FHAD1: variants seen among roughly 807,000 people sequenced by gnomAD.
FHAD1 encodes forkhead associated phosphopeptide binding domain 1, also known as forkhead-associated domain-containing protein 1.
FHAD1 carries 146 observed loss-of-function variants against 191.3 expected under a neutral mutation model. The observed-to-expected ratio is 0.76, with a 90% CI of 0.67 to 0.88. FHAD1 has a LOEUF of 0.88. Ranked by LOEUF, FHAD1 falls within the 40% of genes least tolerant of loss-of-function variation. The probability of loss-of-function intolerance (pLI) is 0.00; values close to 1 mark genes in which losing one functional copy is unlikely to be tolerated. For synonymous variants in FHAD1, 616 were observed against 672.3 expected (o/e 0.92, Z 1.29); for missense variants, 1,635 against 1,785.8 (o/e 0.92, Z 1.52).
chr1:15,294,486 C>T (rs143878723), intron 4 of FHAD1, among the ~76,000 whole-genome samples: 2,246 of 152,174 alleles, frequency 0.015, 47 homozygotes, highest in African/African-American at 0.05. Flanking sequence ...CTCTACCTCC[C>T]GGGTTCAAGC....
intron 31 of FHAD1, among the ~76,000 whole-genome samples, chr1:15,382,481 C>T (rs1701139931): frequency 6.6e-6 from 1 of 152,108 alleles, no homozygotes; most frequent in Non-Finnish European, 1.5e-5. Context: ...CTGCCAGGTG[C>T]TAGGGATACA....
chr1:15,252,792 C>G (rs1408275772), intron 2 of FHAD1, among the ~76,000 whole-genome samples: 1 of 152,218 alleles, frequency 6.6e-6, no homozygotes, highest in Non-Finnish European at 1.5e-5. Context: ...ATTCCATTCT[C>G]TGAATTAGCT....
Position 15,381,392 on chromosome 1 carries a change from C to T in FHAD1, c.3963C>T (p.Asn1321=). 2 of 1,551,774 alleles carry T rather than the reference C, an allele frequency of 1.3e-6. No individual in the cohort carries two copies. The highest frequency in any genetic ancestry group is 1.7e-6 in the Non-Finnish European group (2 of 1,147,008). ...LVFDKITQLK[N]QLGRKEELLR... ...TTGATAAGATCACCCAACTCAAGAA[C>T]CAGCTGGGGAGGAAAGAGGAGCTGT... Residue 1321 remains asparagine (N), a synonymous_variant, in exon 30 of 34, where the codon AAC becomes AAT. Coordinates refer to ENST00000688493, the MANE Select transcript of FHAD1 (RefSeq NM_001391957.1). The surrounding 1 kb of genome is among the most constrained non-coding windows in gnomAD (Gnocchi z 4.6).
At chr1:15,345,372 C>T in intron 17 of FHAD1, 44 bp from the exon 18 acceptor site, 2 of 1,527,508 alleles carry the variant, frequency 1.3e-6, no homozygotes, top group Non-Finnish European at 1.8e-6. Flanking sequence ...GTCCAGTTTC[C>T]TCCCATGGTA....
At chr1:15,281,728 T>TGGGTGA (rs1557993928) in intron 3 of FHAD1, among the ~76,000 whole-genome samples, 1 of 132,794 alleles carries the variant, frequency 7.5e-6, no homozygotes, top group East Asian at 2.5e-4. Flanking sequence ...GCTACTGCAC[T>TGGGTGA]CCAGCCTGGG....
chr1:15,335,021 T>C (rs2102001771), intron 14 of FHAD1, among the ~76,000 whole-genome samples: 1 of 152,160 alleles, frequency 6.6e-6, no homozygotes, highest in Admixed American at 6.5e-5. Flanking sequence ...TAGAACATCC[T>C]CCTAAGAGAT....
At chr1:15,372,445 T>A (rs2102856833) in intron 26 of FHAD1, among the ~76,000 whole-genome samples, 2 of 152,324 alleles carry the variant, frequency 1.3e-5, no homozygotes, top group South Asian at 4.1e-4. Context: ...CCCGGAGCAC[T>A]TATCATTCTC....
chr1:15,238,726 A>T (rs1645047958), intron 1 of FHAD1, among the ~76,000 whole-genome samples: 1 of 152,082 alleles, frequency 6.6e-6, no homozygotes, highest in Non-Finnish European at 1.5e-5. Flanking sequence ...ACTACCCCAG[A>T]CCACGTCCAA....
chr1:15,379,408 C>T (rs922578996), intron 28 of FHAD1, among the ~76,000 whole-genome samples: 1 of 152,364 alleles, frequency 6.6e-6, no homozygotes, highest in Middle Eastern at 3.4e-3. Flanking sequence ...AGCCCTAAGG[C>T]GGTTTTTCCC....
chr1:15,283,068 TC>T (rs1297443158), intron 3 of FHAD1, among the ~76,000 whole-genome samples: 7 of 152,226 alleles, frequency 4.6e-5, no homozygotes, highest in Non-Finnish European at 1.0e-4. Flanking sequence ...AATTCTGCAG[TC>T]ATATTCATAT....
intron 6 of FHAD1, among the ~76,000 whole-genome samples, chr1:15,308,242 C>T (rs1671141046): frequency 6.6e-6 from 1 of 152,192 alleles, no homozygotes; most frequent in African/African-American, 2.4e-5. Context: ...ACATGCTTCC[C>T]TCTCTTGAAC....
In FHAD1 at chr1:15,308,642, G is replaced by A. The variant is rs1441845797; in HGVS notation, c.945G>A (p.Lys315=). ...GTGCCCTACAGAAAGGCTACAGCAAGGTGCTGTGCCAGACCCTGTCAGAGC... is the reference window on the plus strand; with the variant it reads ...GTGCCCTACAGAAAGGCTACAGCAAAGTGCTGTGCCAGACCCTGTCAGAGC... The part of the protein sequence containing the change: ...QISALQKGYS[K]VLCQTLSERN... The change falls in exon 7 of 34, where the codon AAG becomes AAA. Residue 315 remains lysine, a synonymous_variant. Coordinates refer to ENST00000688493, the MANE Select transcript of FHAD1 (RefSeq NM_001391957.1). 4 of 1,551,648 alleles carry A rather than the reference G, an allele frequency of 2.6e-6. No individual in the cohort carries two copies. In the East Asian group the frequency reaches 9.8e-5, roughly 38 times the overall value.
chr1:15,306,435 T>C (rs1161581434), intron 6 of FHAD1, among the ~76,000 whole-genome samples: 1 of 152,188 alleles, frequency 6.6e-6, no homozygotes, highest in Non-Finnish European at 1.5e-5. Context: ...TTTGCATAAG[T>C]ACCAAGGAGA....
intron 3 of FHAD1, chr1:15,287,213 G>A (rs1303380536): frequency 6.6e-6 from 1 of 152,204 alleles, no homozygotes; most frequent in Admixed American, 6.5e-5. Context: ...CTACACGTAA[G>A]GTAACAGAGT....
chr1:15,304,769 G>T (rs937771984), intron 6 of FHAD1, among the ~76,000 whole-genome samples: 1 of 152,136 alleles, frequency 6.6e-6, no homozygotes, highest in African/African-American at 2.4e-5. Context: ...CTTCTCCAGT[G>T]TCTCAGATGC....
intron 3 of FHAD1, among the ~76,000 whole-genome samples, chr1:15,281,760 CAAAAAAAAAA>C (rs35950054): frequency 0.014 from 929 of 64,470 alleles, 12 homozygotes; most frequent in African/African-American, 0.052. Context: ...GACACTGTCT[CAAAAAAAAAA>C]AAAAAAAAAA....
chr1:15,382,504 G>C (rs9919128), intron 31 of FHAD1, among the ~76,000 whole-genome samples: 11,511 of 152,208 alleles, frequency 0.076, 1,404 homozygotes, highest in African/African-American at 0.25. Context: ...AGCTCTCAGA[G>C]AGTGGAGATT....
rs115126606 is a variant in FHAD1 at position 15,370,570 on chromosome 1, C to G, written c.3447+1068C>G. ...GGGCCAAACTGCCTTCCCGAAGAGC[C>G]ACGTAGTGAGTGCCCCATGGCTGTG... On this transcript the variant is annotated intron_variant, in intron 26 of 33. Transcript: ENST00000688493. Among the ~76,000 whole-genome samples, 461 of 152,308 alleles carry G rather than the reference C, an allele frequency of 3.0e-3. 2 individuals carry two copies. Among genetic ancestry groups the G allele is most frequent in the African/African-American group, 9.6e-3 (400 of 41,564 alleles).
At chr1:15,345,747 AAC>A in intron 18 of FHAD1, 1 of 577,274 alleles carries the variant, frequency 1.7e-6, no homozygotes, top group South Asian at 2.0e-5. Flanking sequence ...AACAGTGTAA[AAC>A]ACAGTCAGAG....
Sources: allele counts gnomAD v4.1 joint callset (sites outside exome capture counted in the v4.1 genomes callset), GRCh38; gene constraint gnomAD v4.1.1; non-coding constraint Gnocchi (gnomAD v3.1); transcripts MANE v1.5; gene names NCBI Gene and HGNC (gene_info 2026-07-23, HGNC 2026-07-21).